EML5: variants seen among roughly 807,000 people sequenced by gnomAD.
EML5 encodes EMAP like 5.
EML5 carries 120 observed loss-of-function variants against 250.0 expected under a neutral mutation model. That is an observed-to-expected ratio of 0.48 (90% CI 0.41 to 0.56). The LOEUF (loss-of-function observed/expected upper bound fraction) is 0.56, where lower values mean the gene tolerates loss of function less well. EML5 is among the 20% of genes least tolerant of loss of function. The pLI is 0.00. For synonymous variants in EML5, 771 were observed against 806.5 expected (o/e 0.96, Z 0.75); for missense variants, 2,006 against 2,437.6 (o/e 0.82, Z 3.73).
At chr14:88,626,788 G>A (rs763120811) in intron 35 of EML5, 50 bp downstream of exon 35, 3 of 1,579,802 alleles carry the variant, frequency 1.9e-6, no homozygotes, top group African/African-American at 2.7e-5. Flanking sequence ...TCTAAGGCAA[G>A]AGAATGTAAA....
chr14:88,627,429 A>T, intron 34 of EML5: 1 of 521,046 alleles, frequency 1.9e-6, no homozygotes, highest in Non-Finnish European at 3.3e-6. Flanking sequence ...TATAATGCTA[A>T]TAATGGTTTC....
At chr14:88,732,955 C>T (rs1038823201) in intron 7 of EML5, among the ~76,000 whole-genome samples, 16 of 152,164 alleles carry the variant, frequency 1.1e-4, no homozygotes, top group Non-Finnish European at 1.6e-4. Flanking sequence ...TTAGCTTCTA[C>T]TGAAGACTCA....
chr14:88,644,594 G>C lies in EML5; in HGVS notation c.4029-83C>G, dbSNP rs2091248176. 2.9e-5 allele frequency: 38 copies of C among 1,317,046 alleles called. No homozygotes were observed. The South Asian group carries it at 4.7e-4, about 16-fold the overall frequency. 81.6% of individuals were successfully genotyped at this position (1,317,046 alleles called of 1,614,324 possible). A position where few individuals can be genotyped will look rare whatever the true frequency, so the allele number is the denominator to read the frequency against. On this transcript the variant is annotated intron_variant, in intron 29 of 43. Transcript: ENST00000554922. The stretch of plus-strand genomic sequence containing the variant: ...CCTCTCACACCATCCCTCCCAGAGA[G>C]GTGTCTTGTCACACCTTCCCAAAGA...
chr14:88,709,719 C>T (rs568430865), intron 10 of EML5, among the ~76,000 whole-genome samples: 1 of 152,272 alleles, frequency 6.6e-6, no homozygotes, highest in East Asian at 1.9e-4. Flanking sequence ...TATTTCACTC[C>T]TTTGAGAAAC....
Position 88,715,945 on chromosome 14 carries a change from T to C in EML5, c.1188-750A>G, listed in dbSNP as rs561564059. On this transcript the variant is annotated intron_variant, in intron 8 of 43. Transcript: ENST00000554922. ...TATTGAGTATCCAAAATAATACAGA[T>C]ATTAGTAACAACCAAAAGATGGATA... 3.3e-5 allele frequency among the ~76,000 whole-genome samples: 5 copies of C among 152,216 alleles called. No individual in the cohort carries two copies. The East Asian group carries it at 9.7e-4, about 29-fold the overall frequency.
At chr14:88,749,426 A>T (rs185800621) in intron 2 of EML5, among the ~76,000 whole-genome samples, 63 of 152,292 alleles carry the variant, frequency 4.1e-4, no homozygotes, top group African/African-American at 1.5e-3. Flanking sequence ...GCACTACAAG[A>T]TATGATCATG....
Position 88,687,222 on chromosome 14 carries a change from A to G in EML5, c.2848T>C (p.Ser950Pro). Residue 950 changes from serine to proline, a missense_variant, in exon 19 of 44, where the codon TCT (serine) becomes CCT (proline). By Grantham distance (74) the Ser-to-Pro change is moderately conservative. Coordinates refer to ENST00000554922, the MANE Select transcript of EML5 (RefSeq NM_183387.3). ...AIKRAALAPG[S>P]KGLLLEDNPS... ...CCACTAAGTCTCAAATCACCTTTAG[A>G]TCCTGGGGCCAATGCAGCTCTTTTT... 3 of 1,605,974 alleles carry G rather than the reference A, an allele frequency of 1.9e-6. No individual in the cohort carries two copies. Among genetic ancestry groups the G allele is most frequent in the Non-Finnish European group, 2.5e-6 (3 of 1,176,850 alleles).
At chr14:88,618,533 A>G (rs1444587922) in intron 40 of EML5, 117 bp downstream of exon 40, 1 of 1,272,124 alleles carries the variant, frequency 7.9e-7, no homozygotes, top group African/African-American at 1.5e-5. Context: ...CAGAAGGTAC[A>G]AAGGGAGGAG....
At chr14:88,726,397 ATATAT>A (rs2093666967) in intron 8 of EML5, 139 bp downstream of exon 8, 1 of 504,272 alleles carries the variant, frequency 2.0e-6, no homozygotes, top group African/African-American at 2.0e-5. Flanking sequence ...AACATCTGAA[ATATAT>A]TAATAAGAAG....
chr14:88,733,359 A>G (rs1016739911), intron 7 of EML5, among the ~76,000 whole-genome samples: 1 of 152,200 alleles, frequency 6.6e-6, no homozygotes, highest in Admixed American at 6.5e-5. Flanking sequence ...TTCTTTCACA[A>G]ATTGGCTGGA....
chr14:88,695,834 C>T (rs2093065936), intron 15 of EML5, among the ~76,000 whole-genome samples: 1 of 151,964 alleles, frequency 6.6e-6, no homozygotes, highest in Non-Finnish European at 1.5e-5. Flanking sequence ...AATATAAGAA[C>T]TTTGAGTAAT....
chr14:88,717,636 T>C (rs1009847506), intron 8 of EML5, among the ~76,000 whole-genome samples: 1 of 152,122 alleles, frequency 6.6e-6, no homozygotes. Context: ...CCGCCTGTAA[T>C]CCCAGCTACT....
intron 24 of EML5, among the ~76,000 whole-genome samples, chr14:88,662,339 GTTTTTT>G (rs71127000): frequency 0.016 from 863 of 55,648 alleles, 17 homozygotes; most frequent in African/African-American, 0.052. Flanking sequence ...AATTTTTCTT[GTTTTTT>G]TTTTTTTTTT....
At chr14:88,709,831 A>C (rs2093375326) in intron 10 of EML5, among the ~76,000 whole-genome samples, 1 of 152,244 alleles carries the variant, frequency 6.6e-6, no homozygotes. Context: ...ATTTTGCAGC[A>C]GTGAAAAAAA....
At chr14:88,618,449 A>G in intron 40 of EML5, 118 bp from the exon 41 acceptor site, 1 of 1,101,980 alleles carries the variant, frequency 9.1e-7, no homozygotes, top group South Asian at 1.5e-5. Context: ...ATTATTAAGT[A>G]TGCAAAAGAT....
chr14:88,756,227 T>C (rs2094157040), intron 1 of EML5, among the ~76,000 whole-genome samples: 1 of 152,106 alleles, frequency 6.6e-6, no homozygotes, highest in Admixed American at 6.5e-5. Context: ...AAATATGGCA[T>C]ATTAACAGAA....
chr14:88,789,234 T>C (rs1024778783), intron 1 of EML5, among the ~76,000 whole-genome samples: 1 of 152,142 alleles, frequency 6.6e-6, no homozygotes, highest in Non-Finnish European at 1.5e-5. Context: ...TTTATAGATT[T>C]ATAGATTTTA....
At position 88,615,941 on chromosome 14, in the gene EML5, T is replaced by C. The variant is rs796360042; in HGVS notation, c.5898-87A>G. The C allele has an allele frequency of 2.1e-6, 3 of 1,460,394 alleles. No individual in the cohort carries two copies. In the South Asian group the frequency reaches 3.8e-5, roughly 18 times the overall value. The allele number at this position is 1,460,394 out of a possible 1,614,324, so 90.5% of individuals were successfully genotyped here. On this transcript the variant is annotated intron_variant, in intron 43 of 43. Transcript: ENST00000554922. ...AATATTTTTCAGTTGTGCTTTCAGG[T>C]TACATGTGTAATATTTTTCCTCTTT...
At chr14:88,661,568 T>G in intron 25 of EML5, 86 bp downstream of exon 25, 1 of 1,194,338 alleles carries the variant, frequency 8.4e-7, no homozygotes, top group Non-Finnish European at 1.2e-6. Flanking sequence ...TATGTACAAT[T>G]AATAACAATG....
Sources: gnomAD v4.1 joint callset for allele counts (sites outside exome capture counted in the v4.1 genomes callset) on GRCh38, gnomAD v4.1.1 for gene constraint, MANE v1.5 for transcripts, NCBI Gene and HGNC (gene_info 2026-07-23, HGNC 2026-07-21) for gene names.